The following SMARCC2 variants were observed in gnomAD, a reference collection of about 807,000 sequenced individuals.
SMARCC2 encodes SWI/SNF complex subunit SMARCC2.
A neutral mutation model predicts 151.3 loss-of-function variants in SMARCC2; 15 were observed. The observed-to-expected ratio is 0.10, with a 90% CI of 0.07 to 0.15. The LOEUF is 0.15. SMARCC2 is among the 10% of genes least tolerant of loss of function. The probability of loss-of-function intolerance (pLI) is 1.00; values close to 1 mark genes in which losing one functional copy is unlikely to be tolerated. For synonymous variants in SMARCC2, 590 were observed against 609.5 expected (o/e 0.97, Z 0.47); for missense variants, 1,031 against 1,599.7 (o/e 0.64, Z 6.06).
In SMARCC2 at chr12:56,163,726, C is replaced by T; in HGVS notation, c.3701G>A (p.Ser1234Asn). The T allele has an allele frequency of 6.6e-7, 1 of 1,509,056 alleles. No individual in the cohort carries two copies. Among genetic ancestry groups the T allele is most frequent in the Non-Finnish European group, 8.8e-7 (1 of 1,138,790 alleles). The allele number at this position is 1,509,056 out of a possible 1,614,324, so 93.5% of individuals were successfully genotyped here. Residue 1234 changes from serine (S) to asparagine (N), a missense_variant, in exon 29 of 29, where the codon AGC becomes AAC. Physicochemically the swap from Ser to Asn is conservative, Grantham distance 46. Around this residue, in one of 12 missense-constraint regions of SMARCC2, gnomAD observed 310 missense variants for 350.0 expected, o/e 0.89. Coordinates refer to ENST00000550164, the MANE Select transcript of SMARCC2 (RefSeq NM_001330288.2). The stretch of plus-strand genomic sequence containing the variant: ...TGGCACAGGGGTGACCGTGCCTGGG[C>T]TCGGGGCTGTGGGGTCTGGAGGCAG... ...TPLPPDPTAPSPGTVTPVPPP... is the reference protein window; with the variant it reads ...TPLPPDPTAPNPGTVTPVPPP...
Position 56,169,814 on chromosome 12 carries a change from C to T in SMARCC2, c.2510G>A (p.Ser837Asn). ...ATCACTCTTCTCGGACTCCTTCTCA[C>T]TGTCGCCTTCTTTCCCTTTCTCCTC... ...KDEEKGKEGDSEKESEKSDGD... is the reference protein window; with the variant it reads ...KDEEKGKEGDNEKESEKSDGD... The change falls in exon 24 of 29, where the codon AGT (serine) becomes AAT (asparagine). Residue 837 changes from serine (S) to asparagine (N), a missense_variant. Physicochemically the swap from Ser to Asn is conservative, Grantham distance 46. Around this residue, in one of 12 missense-constraint regions of SMARCC2, gnomAD observed 119 missense variants for 184.2 expected, o/e 0.65. Coordinates refer to ENST00000550164, the MANE Select transcript of SMARCC2 (RefSeq NM_001330288.2). The T allele has an allele frequency of 6.2e-7, 1 of 1,614,150 alleles. No homozygotes were observed.
At chr12:56,189,313 G>A in intron 1 of SMARCC2, 38 bp downstream of exon 1, 1 of 1,338,954 alleles carries the variant, frequency 7.5e-7, no homozygotes, top group Non-Finnish European at 1.0e-6. Flanking sequence ...CCTTTGTCCC[G>A]CCCCCGGTCC....
chr12:56,181,829 C>T lies in SMARCC2; in HGVS notation c.715G>A (p.Ala239Thr). 6.2e-7 allele frequency: 1 copy of T among 1,614,168 alleles called. No individual in the cohort carries two copies. Among genetic ancestry groups the T allele is most frequent in the Non-Finnish European group, 8.5e-7 (1 of 1,179,996 alleles). ...GTGTCGGTGTCCAGGATCCACTTTG[C>T]ATGAACCTAAAGTACAAAGGCAGAT... is the stretch of plus-strand genomic sequence containing the variant. ...PTPEKPRKVH[A>T]KWILDTDTFN... The change falls in exon 9 of 29, where the codon GCA becomes ACA. Residue 239 changes from alanine to threonine, a missense_variant. By Grantham distance (58) the Ala-to-Thr change is moderately conservative. Transcript: ENST00000550164.
intron 25 of SMARCC2, among the ~76,000 whole-genome samples, chr12:56,169,123 A>G (rs1393034524): frequency 1.3e-5 from 2 of 151,868 alleles, no homozygotes; most frequent in African/African-American, 4.8e-5. Context: ...GTGAAACCCC[A>G]TCTCTACTAA....
chr12:56,170,787 C>T (rs1873804472), intron 22 of SMARCC2, among the ~76,000 whole-genome samples: 1 of 137,356 alleles, frequency 7.3e-6, no homozygotes, highest in African/African-American at 2.8e-5. Context: ...GGCTGGAGTG[C>T]AGTGGCTTGA....
At chr12:56,169,233 T>C (rs1290140659) in intron 25 of SMARCC2, among the ~76,000 whole-genome samples, 1 of 152,094 alleles carries the variant, frequency 6.6e-6, no homozygotes, top group Non-Finnish European at 1.5e-5. Context: ...AGGTGGAGGC[T>C]GCAGTGAGCC....
At chr12:56,166,770 A>T (rs566577482) in intron 26 of SMARCC2, among the ~76,000 whole-genome samples, 17 of 152,012 alleles carry the variant, frequency 1.1e-4, no homozygotes, top group African/African-American at 3.1e-4. Flanking sequence ...GTTTATTTTT[A>T]AAAAATGTTT....
chr12:56,168,296 G>C, intron 25 of SMARCC2, 102 bp from the exon 26 acceptor site: 1 of 1,371,628 alleles, frequency 7.3e-7, no homozygotes, highest in East Asian at 2.3e-5. Context: ...GAACAAATTT[G>C]CTGTGGTCAC....
At chr12:56,172,290 C>T (rs1448002912) in intron 20 of SMARCC2, 138 bp downstream of exon 20, 5 of 745,870 alleles carry the variant, frequency 6.7e-6, no homozygotes, top group Admixed American at 6.0e-5. Flanking sequence ...CTATGTTGCC[C>T]AGGTTCATCT....
At chr12:56,181,929 C>A (rs1194056858) in intron 8 of SMARCC2, 75 bp downstream of exon 8, 7 of 1,590,330 alleles carry the variant, frequency 4.4e-6, no homozygotes, top group Admixed American at 3.4e-5. Flanking sequence ...GGCATACAAG[C>A]CTCTGTTTCA....
At chr12:56,176,687 C>G (rs1875054883) in intron 15 of SMARCC2, among the ~76,000 whole-genome samples, 1 of 151,138 alleles carries the variant, frequency 6.6e-6, no homozygotes, top group Non-Finnish European at 1.5e-5. Flanking sequence ...GTCACCCCGG[C>G]TGGAGTGCAG....
intron 11 of SMARCC2, among the ~76,000 whole-genome samples, 185 bp downstream of exon 11, chr12:56,180,792 G>T (rs963859245): frequency 6.6e-6 from 1 of 152,242 alleles, no homozygotes; most frequent in African/African-American, 2.4e-5. Context: ...CCACAACTCA[G>T]ATATGAATAT....
chr12:56,164,391 C>T lies in SMARCC2; in HGVS notation c.3573G>A (p.Gly1191=), dbSNP rs763635445. The T allele has an allele frequency of 1.2e-6, 2 of 1,613,874 alleles. No homozygotes were observed. The highest frequency in any genetic ancestry group is 1.1e-5 in the South Asian group (1 of 91,086). The change falls in exon 28 of 29, where the codon GGG becomes GGA. Residue 1191 remains glycine (G), a synonymous_variant. Transcript: ENST00000550164. ...GGGCTGCGGCGGATCCGAGCCCCGG[C>T]CCGAGAGGCAAGGAAGATGGCATGG... The part of the protein sequence containing the change: ...TTTMPSSLPL[G]PGLGSAAAQS...
chr12:56,186,596 C>T (rs983026086), intron 2 of SMARCC2: 14 of 242,446 alleles, frequency 5.8e-5, no homozygotes, highest in Non-Finnish European at 9.8e-5. Flanking sequence ...GTGATCTGCC[C>T]GCCTCGGCCT....
chr12:56,167,055 T>C (rs1592277088), intron 26 of SMARCC2, among the ~76,000 whole-genome samples: 5 of 109,206 alleles, frequency 4.6e-5, no homozygotes, highest in Admixed American at 1.0e-4. Flanking sequence ...AGAGTAAGAC[T>C]CCATCTCAAA....
At chr12:56,189,152 G>A (rs1251132700) in intron 1 of SMARCC2, among the ~76,000 whole-genome samples, 199 bp downstream of exon 1, 1 of 148,644 alleles carries the variant, frequency 6.7e-6, no homozygotes, top group East Asian at 2.0e-4. Context: ...GGCGGGGGCT[G>A]GGCTCAGAGG....
At chr12:56,179,804 A>G (rs1481493107) in intron 11 of SMARCC2, among the ~76,000 whole-genome samples, 1 of 151,992 alleles carries the variant, frequency 6.6e-6, no homozygotes. Flanking sequence ...CTCCTGCCTC[A>G]GCCTCCCGAA....
rs773470800 is a variant in SMARCC2, at chr12:56,170,221, G to A, written c.2348-13C>T. On this transcript the variant is annotated splice_polypyrimidine_tract_variant and intron_variant, in intron 22 of 28. Coordinates refer to ENST00000550164, the MANE Select transcript of SMARCC2 (RefSeq NM_001330288.2). ...TTCCCGCTCTCCTCTGGGCCCATGA[G>A]AAAAGAAAGAAAACAGGAAATGTTT... The A allele has an allele frequency of 1.2e-6, 2 of 1,609,526 alleles. No homozygotes were observed. Among genetic ancestry groups the A allele is most frequent in the African/African-American group, 2.7e-5 (2 of 74,922 alleles).
At chr12:56,173,983 T>G in intron 16 of SMARCC2, 134 bp from the exon 17 acceptor site, 1 of 702,818 alleles carries the variant, frequency 1.4e-6, no homozygotes, top group Admixed American at 2.9e-5. Context: ...TTCATTGTAC[T>G]CCTTAAGAAA....
Sources: gnomAD v4.1 joint callset for allele counts (sites outside exome capture counted in the v4.1 genomes callset) on GRCh38, gnomAD v4.1.1 for gene constraint, gnomAD v4.1.1 regional missense constraint, MANE v1.5 for transcripts, NCBI Gene and HGNC (gene_info 2026-07-23, HGNC 2026-07-21) for gene names.